MBIP: variants seen among roughly 807,000 people sequenced by gnomAD.
The protein encoded by MBIP is MAP3K12 binding inhibitory protein 1.
A neutral mutation model predicts 45.7 loss-of-function variants in MBIP; 32 were observed. The ratio of observed to expected loss-of-function variants is 0.70; its 90% CI spans 0.53 to 0.94. The LOEUF (loss-of-function observed/expected upper bound fraction) is 0.94, where lower values mean the gene tolerates loss of function less well. Ranked by LOEUF, MBIP falls within the 40% of genes least tolerant of loss-of-function variation. MBIP has a pLI of 0.00. For synonymous variants in MBIP, 145 were observed against 141.0 expected (o/e 1.03, Z -0.20); for missense variants, 381 against 405.5 (o/e 0.94, Z 0.52).
chr14:36,302,602 T>C (rs543977220), intron 7 of MBIP, among the ~76,000 whole-genome samples: 7 of 151,518 alleles, frequency 4.6e-5, no homozygotes, highest in Admixed American at 2.0e-4. Context: ...TACTGTATCA[T>C]AGAACCAAAG....
At chr14:36,316,371 T>A (rs746981518) in intron 2 of MBIP, among the ~76,000 whole-genome samples, 1 of 152,170 alleles carries the variant, frequency 6.6e-6, no homozygotes, top group Non-Finnish European at 1.5e-5. Context: ...ATCATTATCA[T>A]AGCATGACAC....
At chr14:36,316,242 A>C (rs1268898976) in intron 2 of MBIP, among the ~76,000 whole-genome samples, 1 of 152,124 alleles carries the variant, frequency 6.6e-6, no homozygotes, top group African/African-American at 2.4e-5. Context: ...TCTTTTTAAA[A>C]ACTATGCTGA....
intron 5 of MBIP, 115 bp from the exon 6 acceptor site, chr14:36,311,840 A>C: frequency 1.7e-6 from 2 of 1,158,348 alleles, no homozygotes; most frequent in South Asian, 3.3e-5. Flanking sequence ...ACAAGTATGA[A>C]GGACGGCAAG....
chr14:36,299,054 A>T lies in MBIP; in HGVS notation c.*29T>A. ...TAAGTTACACATATGTATACAAAAAAGTAAAATGACAAGGATGAGAGGAGT... is the reference window on the plus strand; with the variant it reads ...TAAGTTACACATATGTATACAAAAATGTAAAATGACAAGGATGAGAGGAGT... On this transcript the variant is annotated 3_prime_UTR_variant, in exon 9 of 9. Coordinates refer to ENST00000416007, the MANE Select transcript of MBIP (RefSeq NM_016586.3). 2 of 1,532,724 alleles carry T rather than the reference A, an allele frequency of 1.3e-6. No individual in the cohort carries two copies. Among genetic ancestry groups the T allele is most frequent in the South Asian group, 2.2e-5 (2 of 89,302 alleles). 94.9% of individuals were successfully genotyped at this position (1,532,724 alleles called of 1,614,324 possible).
chr14:36,314,129 T>G (rs1001806989), intron 4 of MBIP: 1 of 161,536 alleles, frequency 6.2e-6, no homozygotes. Flanking sequence ...TTTACTAAGT[T>G]CACTTACGTA....
Position 36,316,736 on chromosome 14 carries a change from G to C in MBIP, c.206C>G (p.Ala69Gly), listed in dbSNP as rs938034129. 6.2e-7 allele frequency: 1 copy of C among 1,612,772 alleles called. No homozygotes were observed. The highest frequency in any genetic ancestry group is 1.1e-5 in the South Asian group (1 of 90,950). ...KLQSLSAFQPALLFSALEQHI... is the reference protein window; with the variant it reads ...KLQSLSAFQPGLLFSALEQHI... ...TTGTTCAAGTGCACTAAAGAGCAAT[G>C]CAGGCTGGAATGCCGAGAGGCTCTG... The change falls in exon 2 of 9, where the codon GCA becomes GGA. Residue 69 changes from alanine to glycine, a missense_variant. Transcript: ENST00000416007.
intron 7 of MBIP, among the ~76,000 whole-genome samples, chr14:36,302,218 C>T (rs1566546884): frequency 6.6e-6 from 1 of 152,158 alleles, no homozygotes; most frequent in East Asian, 1.9e-4. Context: ...CTTGGCCAGG[C>T]GTGGTGGCTC....
chr14:36,311,553 C>T lies in MBIP; in HGVS notation c.790+20G>A. ...ATTTGCAAAGGTTCATTATGAGGTG[C>T]CACTTAGCACTTTGCTTACCTGTCT... On this transcript the variant is annotated intron_variant, in intron 6 of 8. Transcript: ENST00000416007. 6.4e-7 allele frequency: 1 copy of T among 1,573,756 alleles called. No homozygotes were observed. The highest frequency in any genetic ancestry group is 8.6e-7 in the Non-Finnish European group (1 of 1,157,318).
chr14:36,309,678 C>T (rs993895898), intron 6 of MBIP, among the ~76,000 whole-genome samples: 1 of 152,196 alleles, frequency 6.6e-6, no homozygotes, highest in Non-Finnish European at 1.5e-5. Context: ...GCTCCCTTTA[C>T]CTACAATGTC....
At chr14:36,311,151 C>T (rs1483158255) in intron 6 of MBIP, among the ~76,000 whole-genome samples, 1 of 152,292 alleles carries the variant, frequency 6.6e-6, no homozygotes, top group South Asian at 2.1e-4. Flanking sequence ...TCAGTCTCTG[C>T]ACCCAGTGAG....
intron 7 of MBIP, among the ~76,000 whole-genome samples, chr14:36,306,485 C>T (rs548408328): frequency 7.9e-5 from 12 of 151,984 alleles, no homozygotes; most frequent in Non-Finnish European, 1.5e-4. Context: ...GTTGGTCAGG[C>T]TGGTCTTGAA....
intron 7 of MBIP, among the ~76,000 whole-genome samples, chr14:36,302,170 A>C (rs1052066628): frequency 6.6e-6 from 1 of 152,236 alleles, no homozygotes; most frequent in East Asian, 1.9e-4. Flanking sequence ...ACTTCCTAAG[A>C]GGTGGCTTTT....
At position 36,314,555 on chromosome 14, in the gene MBIP, T is replaced by A. The variant is rs771048302; in HGVS notation, c.528A>T (p.Glu176Asp). ...FIERKQAEIN[E>D]NNVREFCNVI... ...CATTGCAAAATTCCCTGACGTTGTTTTCATTGATTTCAGCTTGCTTTCTTT... is the reference window on the plus strand; with the variant it reads ...CATTGCAAAATTCCCTGACGTTGTTATCATTGATTTCAGCTTGCTTTCTTT... Residue 176 changes from glutamate (E) to aspartate (D), a missense_variant, in exon 4 of 9, where the codon GAA becomes GAT. Transcript: ENST00000416007. 2 of 1,610,784 alleles carry A rather than the reference T, an allele frequency of 1.2e-6. No homozygotes were observed. Among genetic ancestry groups the A allele is most frequent in the African/African-American group, 2.7e-5 (2 of 74,912 alleles).
At chr14:36,318,692 A>G (rs61994980) in intron 1 of MBIP, among the ~76,000 whole-genome samples, 3,574 of 152,134 alleles carry the variant, frequency 0.023, 57 homozygotes, top group Middle Eastern at 0.037. Context: ...TGTGATCTTA[A>G]GTAAAAAATT....
intron 6 of MBIP, among the ~76,000 whole-genome samples, chr14:36,309,475 A>G (rs1319982129): frequency 6.6e-6 from 1 of 152,212 alleles, no homozygotes; most frequent in Non-Finnish European, 1.5e-5. Context: ...CTGGTGCTTG[A>G]TATTTACTGA....
chr14:36,308,861 G>C (rs1566550778), intron 6 of MBIP, among the ~76,000 whole-genome samples: 1 of 152,130 alleles, frequency 6.6e-6, no homozygotes, highest in Non-Finnish European at 1.5e-5. Flanking sequence ...CTTCCGTAGA[G>C]TGTATTTTCA....
At chr14:36,320,415 G>T in intron 1 of MBIP, 45 bp downstream of exon 1, 1 of 1,612,718 alleles carries the variant, frequency 6.2e-7, no homozygotes. Context: ...GGCGAGGAGG[G>T]ACCGGATGGT....
intron 7 of MBIP, chr14:36,305,451 T>C (rs932631947): frequency 3.3e-5 from 5 of 152,170 alleles, no homozygotes; most frequent in Non-Finnish European, 5.9e-5. Context: ...TTTTTTAACA[T>C]ATTTGGAAAT....
At chr14:36,312,274 G>A (rs1163138458) in intron 4 of MBIP, among the ~76,000 whole-genome samples, 1 of 152,008 alleles carries the variant, frequency 6.6e-6, no homozygotes, top group African/African-American at 2.4e-5. Context: ...TCAACATTAA[G>A]TGGCACAAAT....
Sources: allele counts gnomAD v4.1 joint callset (sites outside exome capture counted in the v4.1 genomes callset), GRCh38; gene constraint gnomAD v4.1.1; transcripts MANE v1.5; gene names NCBI Gene and HGNC (gene_info 2026-07-23, HGNC 2026-07-21).